Variants in UNC13C observed in about 807,000 individuals in gnomAD.
The protein encoded by UNC13C is unc-13 homolog C, also known as protein unc-13 homolog C.
A neutral mutation model predicts 245.4 loss-of-function variants in UNC13C; 174 were observed. That is an observed-to-expected ratio of 0.71 (90% confidence interval 0.63 to 0.80). The LOEUF (loss-of-function observed/expected upper bound fraction) is 0.80, where lower values mean the gene tolerates loss of function less well. Among genes scored for constraint, UNC13C ranks in the 30% least tolerant of loss-of-function variants. The probability of loss-of-function intolerance (pLI) is 0.00; values close to 1 mark genes in which losing one functional copy is unlikely to be tolerated. For synonymous variants in UNC13C, 992 were observed against 895.1 expected (o/e 1.11, Z -1.93); for missense variants, 2,829 against 2,602.9 (o/e 1.09, Z -1.89).
chr15:54,598,854 C>G (rs1400837929), intron 30 of UNC13C, among the ~76,000 whole-genome samples: 4 of 152,084 alleles, frequency 2.6e-5, no homozygotes, highest in Non-Finnish European at 4.4e-5. Flanking sequence ...TACTGAGGCA[C>G]AAATACGTAT....
At chr15:54,481,696 A>G (rs900121150) in intron 19 of UNC13C, among the ~76,000 whole-genome samples, 4 of 151,904 alleles carry the variant, frequency 2.6e-5, no homozygotes, top group Non-Finnish European at 4.4e-5. Flanking sequence ...TGGATGCTGT[A>G]TGCAAGCACC....
chr15:54,516,605 T>C (rs1196282072), intron 24 of UNC13C, among the ~76,000 whole-genome samples: 3 of 151,900 alleles, frequency 2.0e-5, no homozygotes, highest in African/African-American at 7.3e-5. Flanking sequence ...GAGTTCGAGA[T>C]CAGCCTAACA....
At chr15:53,898,373 T>G in the UNC13C span, among the ~76,000 whole-genome samples, 1 of 152,102 alleles carries the variant, frequency 6.6e-6, no homozygotes, top group Non-Finnish European at 1.5e-5. Flanking sequence ...TTGACCTAAC[T>G]GATTCTAAAA....
At chr15:54,292,276 T>G (rs2140933991) in intron 10 of UNC13C, among the ~76,000 whole-genome samples, 1 of 152,062 alleles carries the variant, frequency 6.6e-6, no homozygotes, top group South Asian at 2.1e-4. Flanking sequence ...CATCAATGAG[T>G]TAAGAAATTT....
intron 30 of UNC13C, among the ~76,000 whole-genome samples, chr15:54,613,949 A>G (rs1900265506): frequency 6.6e-6 from 1 of 152,004 alleles, no homozygotes; most frequent in South Asian, 2.1e-4. Flanking sequence ...GAAGTGCTTG[A>G]AGAAAAATAA....
At chr15:54,517,124 A>T (rs16974712) in intron 24 of UNC13C, among the ~76,000 whole-genome samples, 36,146 of 152,030 alleles carry the variant, frequency 0.24, 4,419 homozygotes, top group Middle Eastern at 0.31. Context: ...GCCAAATTTT[A>T]CATTCAGGTT....
intron 2 of UNC13C, among the ~76,000 whole-genome samples, chr15:54,053,747 T>C (rs1897374204): frequency 6.6e-6 from 1 of 152,178 alleles, no homozygotes; most frequent in Non-Finnish European, 1.5e-5. Flanking sequence ...TCTAAGTTTA[T>C]TTCTGGACCC....
intron 17 of UNC13C, among the ~76,000 whole-genome samples, chr15:54,386,391 G>C (rs1259337926): frequency 6.6e-6 from 1 of 152,152 alleles, no homozygotes; most frequent in Non-Finnish European, 1.5e-5. Context: ...GCAGGGAAGT[G>C]GAAAAGCCTT....
chr15:54,278,056 A>G (rs2036880273), intron 10 of UNC13C, among the ~76,000 whole-genome samples: 1 of 152,106 alleles, frequency 6.6e-6, no homozygotes, highest in Non-Finnish European at 1.5e-5. Flanking sequence ...CAACTCAAAA[A>G]TAACTCTTAT....
chr15:53,957,079 A>T, the UNC13C span, among the ~76,000 whole-genome samples: 1 of 152,208 alleles, frequency 6.6e-6, no homozygotes, highest in Non-Finnish European at 1.5e-5. Context: ...TCATTATGAC[A>T]ATATTGTGAT....
chr15:54,560,577 G>A (rs184196526), intron 29 of UNC13C, among the ~76,000 whole-genome samples: 1 of 151,814 alleles, frequency 6.6e-6, no homozygotes, highest in African/African-American at 2.4e-5. Context: ...CTACCCCCGC[G>A]GTGATAATAG....
chr15:54,403,113 A>G (rs2040220460), intron 18 of UNC13C, among the ~76,000 whole-genome samples: 1 of 152,338 alleles, frequency 6.6e-6, no homozygotes, highest in African/African-American at 2.4e-5. Flanking sequence ...TTCGAGAAAC[A>G]GTTATCTAAA....
chr15:54,127,715 A>G (rs1377265002), intron 2 of UNC13C, among the ~76,000 whole-genome samples: 2 of 144,058 alleles, frequency 1.4e-5, no homozygotes, highest in African/African-American at 5.2e-5. Context: ...GTGTGTGTAT[A>G]TATATATATA....
the UNC13C span, among the ~76,000 whole-genome samples, chr15:53,917,528 G>C: frequency 1.3e-5 from 2 of 152,138 alleles, no homozygotes; most frequent in South Asian, 4.2e-4. Flanking sequence ...GATACTGGTG[G>C]AGATCCAGGG....
intron 19 of UNC13C, among the ~76,000 whole-genome samples, chr15:54,457,003 T>C (rs1891567537): frequency 6.6e-6 from 1 of 152,134 alleles, no homozygotes; most frequent in East Asian, 1.9e-4. Context: ...CAGTATAATG[T>C]TGGCTGTGGT....
the UNC13C span, among the ~76,000 whole-genome samples, chr15:53,971,006 C>A: frequency 6.6e-6 from 1 of 152,114 alleles, no homozygotes; most frequent in Non-Finnish European, 1.5e-5. Context: ...TTCTCCACAT[C>A]TTGCCAATAC....
chr15:54,280,130 T>C (rs1210256863), intron 10 of UNC13C, among the ~76,000 whole-genome samples: 1 of 152,164 alleles, frequency 6.6e-6, no homozygotes, highest in East Asian at 1.9e-4. Flanking sequence ...CACAAGTTTA[T>C]AAACATATAC....
At chr15:54,430,436 G>A (rs930359891) in intron 19 of UNC13C, among the ~76,000 whole-genome samples, 2 of 151,450 alleles carry the variant, frequency 1.3e-5, no homozygotes, top group African/African-American at 4.8e-5. Context: ...ATTGAATTTT[G>A]CCTCTCATTT....
intron 19 of UNC13C, among the ~76,000 whole-genome samples, chr15:54,479,482 T>A (rs1892981532): frequency 6.6e-6 from 1 of 152,134 alleles, no homozygotes; most frequent in African/African-American, 2.4e-5. Context: ...GGAGTAAATT[T>A]CTTTTAGGCA....
Sources: gnomAD v4.1 joint callset for allele counts (sites outside exome capture counted in the v4.1 genomes callset) on GRCh38, gnomAD v4.1.1 for gene constraint, MANE v1.5 for transcripts, NCBI Gene and HGNC (gene_info 2026-07-23, HGNC 2026-07-21) for gene names.